MRAP2: variants seen among roughly 807,000 people sequenced by gnomAD.
The protein encoded by MRAP2 is melanocortin 2 receptor accessory protein 2.
In MRAP2, 20 loss-of-function variants were observed where a neutral mutation model predicts 17.4. The ratio of observed to expected loss-of-function variants is 1.15; its 90% CI spans 0.81 to 1.67. The LOEUF (loss-of-function observed/expected upper bound fraction) is 1.67. MRAP2 is among the 40% of genes most tolerant of loss of function. The pLI is 0.00. For synonymous variants in MRAP2, 96 were observed against 88.4 expected, an observed-to-expected ratio of 1.09 and a Z score of -0.48; for missense variants, 238 against 240.0, an observed-to-expected ratio of 0.99 and a Z score of 0.05.
chr6:84,062,553 CT>C (rs1216538920), intron 2 of MRAP2: 1 of 985,194 alleles, frequency 1.0e-6, no homozygotes. Context: ...AGTTGATAGT[CT>C]GCTAAAAATT....
chr6:84,060,934 C>T lies in MRAP2; in HGVS notation c.128-1959C>T, dbSNP rs544246046. Among the ~76,000 whole-genome samples the T allele has an allele frequency of 8.0e-5, 12 of 149,968 alleles. No individual in the cohort carries two copies. The South Asian group carries it at 1.9e-3, about 24-fold the overall frequency. ...CAGGATGGTTTTGATCTCCTGACCT[C>T]GTGATCTGCCCGCCTCGGCCTCCCA... On this transcript the variant is annotated intron_variant, in intron 2 of 3. Coordinates refer to ENST00000257776, the MANE Select transcript of MRAP2 (RefSeq NM_138409.4).
At chr6:84,094,881 C>T (rs73750508), downstream of MRAP2, among the ~76,000 whole-genome samples, 23,755 of 152,046 alleles carry the variant, frequency 0.16, 1,949 homozygotes, top group Middle Eastern at 0.25. Context: ...CTATCATGCT[C>T]AGCACTTCCC....
the MRAP2 span, among the ~76,000 whole-genome samples, chr6:84,103,365 C>A: frequency 6.6e-6 from 1 of 152,074 alleles, no homozygotes; most frequent in African/African-American, 2.4e-5. Flanking sequence ...TTCCTGAGCC[C>A]CTACTTTGTG....
At chr6:84,055,154 G>C (rs1041631045) in intron 1 of MRAP2, among the ~76,000 whole-genome samples, 158 bp from the exon 2 acceptor site, 1 of 152,200 alleles carries the variant, frequency 6.6e-6, no homozygotes, top group African/African-American at 2.4e-5. Flanking sequence ...ATGATATGAG[G>C]TGTGAGCAGC....
chr6:84,099,511 C>T, the MRAP2 span, among the ~76,000 whole-genome samples: 277 of 152,186 alleles, frequency 1.8e-3, no homozygotes, highest in Non-Finnish European at 3.2e-3. Flanking sequence ...GTGTTTGGGT[C>T]ATCAGGGCAG....
At chr6:84,110,801 T>G in the MRAP2 span, among the ~76,000 whole-genome samples, 10 of 152,314 alleles carry the variant, frequency 6.6e-5, no homozygotes, top group South Asian at 2.1e-3. Flanking sequence ...AGGGGTTCAG[T>G]TTCAGTTTTC....
chr6:84,113,827 T>A, the MRAP2 span, among the ~76,000 whole-genome samples: 3 of 152,210 alleles, frequency 2.0e-5, no homozygotes, highest in African/African-American at 7.2e-5. Context: ...AGGATTTCAT[T>A]TCTCTTTCAC....
At chr6:84,137,089 A>G in the MRAP2 span, among the ~76,000 whole-genome samples, 1 of 152,216 alleles carries the variant, frequency 6.6e-6, no homozygotes, top group Non-Finnish European at 1.5e-5. Context: ...TAGCAAGGGA[A>G]TAAGAGTCAT....
At chr6:84,109,602 C>CTTT in the MRAP2 span, among the ~76,000 whole-genome samples, 5 of 151,844 alleles carry the variant, frequency 3.3e-5, no homozygotes, top group African/African-American at 1.2e-4. Context: ...CACTCAACTT[C>CTTT]TTTATTATTA....
intron 1 of MRAP2, among the ~76,000 whole-genome samples, chr6:84,053,484 G>A (rs1313618602): frequency 6.6e-6 from 1 of 152,044 alleles, no homozygotes; most frequent in Admixed American, 6.6e-5. Context: ...ATTTGTCTAG[G>A]CACCGTGGCT....
intron 3 of MRAP2, among the ~76,000 whole-genome samples, chr6:84,085,058 A>T (rs2099500056): frequency 6.6e-6 from 1 of 150,768 alleles, no homozygotes; most frequent in African/African-American, 2.4e-5. Flanking sequence ...TTAACTCATC[A>T]TTTTTTTATT....
chr6:84,130,798 AAAC>A, the MRAP2 span, among the ~76,000 whole-genome samples: 2 of 152,084 alleles, frequency 1.3e-5, no homozygotes, highest in Non-Finnish European at 2.9e-5. Flanking sequence ...TCTTTTCAAA[AAAC>A]CAGCTCCTGA....
At chr6:84,070,701 C>T (rs891615313) in intron 3 of MRAP2, among the ~76,000 whole-genome samples, 7 of 152,094 alleles carry the variant, frequency 4.6e-5, no homozygotes, top group South Asian at 2.1e-4. Flanking sequence ...GATTGAAGTC[C>T]CCCACTTAGT....
At chr6:84,105,658 C>G in the MRAP2 span, among the ~76,000 whole-genome samples, 2 of 152,160 alleles carry the variant, frequency 1.3e-5, no homozygotes, top group Non-Finnish European at 2.9e-5. Context: ...AGTTACTGTT[C>G]TCTACCTCCA....
the MRAP2 span, among the ~76,000 whole-genome samples, chr6:84,140,215 T>C: frequency 1.3e-5 from 2 of 152,190 alleles, no homozygotes; most frequent in African/African-American, 4.8e-5. Flanking sequence ...GAGTTTGTCT[T>C]AATAAGAGAC....
intron 3 of MRAP2, among the ~76,000 whole-genome samples, chr6:84,068,270 A>T (rs2099495265): frequency 6.6e-6 from 1 of 152,144 alleles, no homozygotes; most frequent in African/African-American, 2.4e-5. Flanking sequence ...CTAGTACCAC[A>T]CTGTTTTGGT....
At chr6:84,118,744 G>T in the MRAP2 span, among the ~76,000 whole-genome samples, 8 of 152,204 alleles carry the variant, frequency 5.3e-5, no homozygotes, top group Admixed American at 3.9e-4. Context: ...AGAAGCTGTG[G>T]AAGTGGGCCT....
chr6:84,134,807 TC>T, the MRAP2 span, among the ~76,000 whole-genome samples: 1 of 151,314 alleles, frequency 6.6e-6, no homozygotes, highest in African/African-American at 2.4e-5. Context: ...CTTGCCAGCC[TC>T]CCCCCCACAG....
At chr6:84,130,693 C>T in the MRAP2 span, among the ~76,000 whole-genome samples, 3 of 152,042 alleles carry the variant, frequency 2.0e-5, no homozygotes, top group East Asian at 1.9e-4. Context: ...TCTGTGGGAT[C>T]GGTGGTGATA....
Sources: allele counts gnomAD v4.1 joint callset (sites outside exome capture counted in the v4.1 genomes callset), GRCh38; gene constraint gnomAD v4.1.1; transcripts MANE v1.5; gene names NCBI Gene and HGNC (gene_info 2026-07-23, HGNC 2026-07-21).